The following HLA-DRB5 variants were observed in gnomAD, a reference collection of about 807,000 sequenced individuals.
HLA-DRB5 encodes major histocompatibility complex, class II, DR beta 5.
In HLA-DRB5, 11 loss-of-function variants were observed where a neutral mutation model predicts 22.4. That is an observed-to-expected ratio of 0.49 (90% CI 0.31 to 0.81). The LOEUF is 0.81. HLA-DRB5 is among the 40% of genes least tolerant of loss of function. The pLI, the probability that HLA-DRB5 is intolerant of heterozygous loss-of-function variation, is 0.05. For synonymous variants in HLA-DRB5, 57 were observed against 106.0 expected (o/e 0.54, Z 2.84); for missense variants, 106 against 274.4 (o/e 0.39, Z 4.34).
chr6:32,518,944 T>C (rs112921921), intron 3 of HLA-DRB5, among the ~76,000 whole-genome samples: 794 of 68,038 alleles, frequency 0.012, 1 homozygote, highest in Non-Finnish European at 0.014. Flanking sequence ...AAATAGTTTG[T>C]CTAGAGTGAC....
chr6:32,521,586 C>A (rs1219658952), intron 2 of HLA-DRB5, among the ~76,000 whole-genome samples: 1 of 68,134 alleles, frequency 1.5e-5, no homozygotes, highest in East Asian at 4.8e-4. Context: ...ACCAAGGTCT[C>A]CTCTCTCTCC....
intron 2 of HLA-DRB5, among the ~76,000 whole-genome samples, chr6:32,520,388 A>T (rs1284083891): frequency 1.9e-5 from 1 of 52,066 alleles, no homozygotes; most frequent in Non-Finnish European, 3.9e-5. Context: ...GGAAGGTAGG[A>T]CAGACAGAAA....
chr6:32,528,057 G>C (rs370635202), intron 1 of HLA-DRB5, among the ~76,000 whole-genome samples: 954 of 37,714 alleles, frequency 0.025, 55 homozygotes, highest in Middle Eastern at 0.034. Flanking sequence ...TTCTGTCCCT[G>C]CACATAATTT....
intron 3 of HLA-DRB5, among the ~76,000 whole-genome samples, chr6:32,519,023 T>A (rs1198089677): frequency 2.1e-5 from 2 of 95,418 alleles, no homozygotes; most frequent in Non-Finnish European, 4.8e-5. Flanking sequence ...ACTTCTCCTC[T>A]TCCCAGATCA....
chr6:32,524,611 T>A (rs77540002), intron 1 of HLA-DRB5, among the ~76,000 whole-genome samples: 18,064 of 83,382 alleles, frequency 0.22, 945 homozygotes, highest in Admixed American at 0.27. Context: ...TTCACAAAGC[T>A]CCGTTTGCCC....
At chr6:32,523,156 CCA>C (rs1562438669) in intron 1 of HLA-DRB5, among the ~76,000 whole-genome samples, 3 of 42,474 alleles carry the variant, frequency 7.1e-5, no homozygotes, top group African/African-American at 2.7e-4. Context: ...AACCATGATC[CCA>C]TGAATGTCCA....
At chr6:32,528,389 G>T (rs111715999) in intron 1 of HLA-DRB5, among the ~76,000 whole-genome samples, 9,726 of 107,848 alleles carry the variant, frequency 0.09, 13 homozygotes, top group East Asian at 0.14. Flanking sequence ...GAACCTAGAA[G>T]GGAGCCCAGT....
Position 32,530,109 on chromosome 6 carries a change from C to G in HLA-DRB5, c.100+16G>C. ...CCCCACCCCATAGTAGCTCAGCACC[C>G]ACAATGTGCACTTACGTCGGGTGTC... On this transcript the variant is annotated intron_variant, in intron 1 of 5. Coordinates refer to ENST00000374975, the MANE Select transcript of HLA-DRB5 (RefSeq NM_002125.4). 6.6e-7 allele frequency: 1 copy of G among 1,520,256 alleles called. No individual in the cohort carries two copies. Among genetic ancestry groups the G allele is most frequent in the African/African-American group, 1.4e-5 (1 of 71,484 alleles). 94.2% of individuals were successfully genotyped at this position (1,520,256 alleles called of 1,614,324 possible). A position where few individuals can be genotyped will look rare whatever the true frequency, so the allele number is the denominator to read the frequency against.
rs1768343816 is a variant in HLA-DRB5 at position 32,518,143 on chromosome 6, T to G, written c.764-66A>C. 2 of 310,770 alleles carry G rather than the reference T, an allele frequency of 6.4e-6. 1 individual carries two copies. The highest frequency in any genetic ancestry group is 7.0e-5 in the South Asian group (2 of 28,658). 19.3% of individuals were successfully genotyped at this position (310,770 alleles called of 1,614,324 possible). A position where few individuals can be genotyped will look rare whatever the true frequency, so the allele number is the denominator to read the frequency against. On this transcript the variant is annotated intron_variant, in intron 4 of 5. Transcript: ENST00000374975. ...AAGCAAATCTATTCTCCCAACACAA[T>G]GTCCTAGTCCCAGATCTCCCACCTG... is the stretch of plus-strand genomic sequence containing the variant.
chr6:32,524,653 T>C (rs1466872788), intron 1 of HLA-DRB5, among the ~76,000 whole-genome samples: 2 of 131,576 alleles, frequency 1.5e-5, no homozygotes, highest in African/African-American at 5.8e-5. Flanking sequence ...GTGTGCACCC[T>C]GGATCAAACA....
chr6:32,518,802 G>GA lies in HLA-DRB5; in HGVS notation c.653-137dup. The GA allele has an allele frequency of 5.0e-5, 13 of 260,830 alleles. 1 individual carries two copies. Among genetic ancestry groups the GA allele is most frequent in the South Asian group, 1.4e-4 (3 of 21,132 alleles). The allele number at this position is 260,830 out of a possible 1,614,324, so 16.2% of individuals were successfully genotyped here. On this transcript the variant is annotated intron_variant, in intron 3 of 5. Coordinates refer to ENST00000374975, the MANE Select transcript of HLA-DRB5 (RefSeq NM_002125.4). ...ACTAAAATAACTAGCCATTTCTGGA[G>GA]AAAAAAAAGGTTTTCAAATCACACT...
chr6:32,527,217 T>TAAATTGACTCTCCTTGTAACCATCC, intron 1 of HLA-DRB5, among the ~76,000 whole-genome samples: 1 of 41,370 alleles, frequency 2.4e-5, no homozygotes, highest in East Asian at 6.5e-4. Flanking sequence ...AAATTCAATA[T>TAAATTGACTCTCCTTGTAACCATCC]AGGCCGGGCA....
chr6:32,524,167 A>T (rs1769303718), intron 1 of HLA-DRB5, among the ~76,000 whole-genome samples: 1 of 124,320 alleles, frequency 8.0e-6, no homozygotes, highest in Non-Finnish European at 1.7e-5. Flanking sequence ...ATATCTGTGA[A>T]TATCTTGGTC....
chr6:32,521,291 A>G (rs1451424297), intron 2 of HLA-DRB5, among the ~76,000 whole-genome samples: 337 of 57,430 alleles, frequency 5.9e-3, no homozygotes, highest in Middle Eastern at 0.022. Flanking sequence ...CACACTAAGA[A>G]AACAAACAGA....
intron 1 of HLA-DRB5, 54 bp downstream of exon 1, chr6:32,530,071 A>G: frequency 1.0e-6 from 1 of 979,850 alleles, no homozygotes; most frequent in Non-Finnish European, 1.5e-6. Flanking sequence ...ATGTTAACAA[A>G]ACTCCCTATT....
chr6:32,523,465 T>C (rs143972840), intron 1 of HLA-DRB5, among the ~76,000 whole-genome samples: 2 of 42,374 alleles, frequency 4.7e-5, no homozygotes, highest in African/African-American at 1.9e-4. Context: ...TGGTTAAAAG[T>C]GAAATGAATA....
chr6:32,520,894 A>G (rs1768767695), intron 2 of HLA-DRB5, among the ~76,000 whole-genome samples: 1 of 80,138 alleles, frequency 1.2e-5, no homozygotes, highest in South Asian at 3.6e-4. Flanking sequence ...CTTACAGTAC[A>G]AAGAACCCAC....
chr6:32,529,559 C>G (rs138772213), intron 1 of HLA-DRB5, among the ~76,000 whole-genome samples: 2 of 71,714 alleles, frequency 2.8e-5, no homozygotes, highest in Admixed American at 1.5e-4. Context: ...AAGCACTAAG[C>G]ATAACTTCTG....
chr6:32,523,677 C>A (rs112234357), intron 1 of HLA-DRB5, among the ~76,000 whole-genome samples: 62,218 of 96,218 alleles, frequency 0.65, 21,433 homozygotes, highest in Middle Eastern at 0.78. Flanking sequence ...AACTATGAAG[C>A]TATTAAACTT....
Sources: gnomAD v4.1 joint callset for allele counts (sites outside exome capture counted in the v4.1 genomes callset) on GRCh38, gnomAD v4.1.1 for gene constraint, MANE v1.5 for transcripts, NCBI Gene and HGNC (gene_info 2026-07-23, HGNC 2026-07-21) for gene names.